SLC7A5: variants seen among roughly 807,000 people sequenced by gnomAD.
SLC7A5 encodes large neutral amino acids transporter small subunit 1.
Under a neutral mutation model 50.2 loss-of-function variants are expected in SLC7A5, and 23 were observed. That is an observed-to-expected ratio of 0.46 (90% confidence interval 0.33 to 0.65). SLC7A5 has a LOEUF of 0.65. Among genes scored for constraint, SLC7A5 ranks in the 30% least tolerant of loss-of-function variants. The probability of loss-of-function intolerance (pLI) is 0.02; values close to 1 mark genes in which losing one functional copy is unlikely to be tolerated. For synonymous variants in SLC7A5, 393 were observed against 330.6 expected (o/e 1.19, Z -2.05); for missense variants, 578 against 684.4 (o/e 0.84, Z 1.73).
At position 87,852,163 on chromosome 16, in the gene SLC7A5, G is replaced by A. The variant is rs545136762; in HGVS notation, c.539-314C>T. On this transcript the variant is annotated intron_variant, in intron 1 of 9. Transcript: ENST00000261622. This position sits in a 1 kb window ranked among gnomAD's most constrained non-coding sequence, Gnocchi z 4.5. ...ACCTGTAGTCAGGACTTCAAGTGGG[G>A]TCACTGCCTCCAGAGACCCAGGTGA... 2.0e-5 allele frequency among the ~76,000 whole-genome samples: 3 copies of A among 152,258 alleles called. No individual in the cohort carries two copies. In the East Asian group the frequency reaches 5.8e-4, roughly 29 times the overall value.
At position 87,834,519 on chromosome 16, in the gene SLC7A5, G is replaced by A; in HGVS notation, c.1363C>T (p.Pro455Ser). The A allele has an allele frequency of 6.3e-7, 1 of 1,596,568 alleles. No individual in the cohort carries two copies. The highest frequency in any genetic ancestry group is 8.5e-7 in the Non-Finnish European group (1 of 1,172,990). The part of the protein sequence containing the change: ...FLIAVSFWKT[P>S]VECGIGFTII... ...GTGAAGCCGATGCCACACTCCACGG[G>A]TGTCTTCCAGAAGGAGACGGCGATC... The change falls in exon 9 of 10, where the codon CCC (proline) becomes TCC (serine). Residue 455 changes from proline (P) to serine (S), a missense_variant. By Grantham distance (74) the Pro-to-Ser change is moderately conservative. Around this residue, in one of 2 missense-constraint regions of SLC7A5, gnomAD observed 465 missense variants for 594.6 expected, o/e 0.78. Transcript: ENST00000261622.
rs138909848 is a variant in SLC7A5 at position 87,833,834 on chromosome 16, G to A, written c.1468+580C>T. Among the ~76,000 whole-genome samples, 49 of 150,490 alleles carry A rather than the reference G, an allele frequency of 3.3e-4. No individual in the cohort carries two copies. Among genetic ancestry groups the A allele is most frequent in the African/African-American group, 1.1e-3 (44 of 40,542 alleles). On this transcript the variant is annotated intron_variant, in intron 9 of 9. Transcript: ENST00000261622. This position sits in a 1 kb window ranked among gnomAD's most constrained non-coding sequence, Gnocchi z 6.0. ...TGGGGCTGCCGCTGCACACAGGGCC[G>A]GGGGGCGGGTTTCTCCTTCTGCCTT... is the stretch of plus-strand genomic sequence containing the variant.
chr16:87,858,890 C>T (rs1375064381), intron 1 of SLC7A5, among the ~76,000 whole-genome samples: 3 of 152,242 alleles, frequency 2.0e-5, no homozygotes, highest in African/African-American at 7.2e-5. Context: ...CAGGGCCTCT[C>T]CCCAATCCCG....
Position 87,846,957 on chromosome 16 carries a change from C to CG in SLC7A5, c.664+4766dup, listed in dbSNP as rs746997450. Among the ~76,000 whole-genome samples the CG allele has an allele frequency of 9.9e-5, 15 of 152,248 alleles. No individual in the cohort carries two copies. In the East Asian group the frequency reaches 2.5e-3, roughly 25 times the overall value. ...GACACCGAGGCTCAGACACCCTGGC[C>CG]GGGGGGCGGCAAAACTAGAATCCCA... On this transcript the variant is annotated intron_variant, in intron 2 of 9. Coordinates refer to ENST00000261622, the MANE Select transcript of SLC7A5 (RefSeq NM_003486.7).
chr16:87,867,539 T>C (rs2055478610), intron 1 of SLC7A5, among the ~76,000 whole-genome samples: 1 of 151,974 alleles, frequency 6.6e-6, no homozygotes, highest in Non-Finnish European at 1.5e-5. Context: ...CTCACATTTA[T>C]GAAGAAATGC....
Position 87,837,520 on chromosome 16 carries a change from C to A in SLC7A5, c.1140+325G>T, listed in dbSNP as rs961011509. ...AAGCGGAAGGAAACTGTGTGTGATG[C>A]ACCCCGCTGAGAAACGAACAGAGTG... On this transcript the variant is annotated intron_variant, in intron 7 of 9. Transcript: ENST00000261622. 9 of 378,788 alleles carry A rather than the reference C, an allele frequency of 2.4e-5. No individual in the cohort carries two copies. In the Admixed American group the frequency reaches 3.2e-4, roughly 13 times the overall value. 23.5% of individuals were successfully genotyped at this position (378,788 alleles called of 1,614,324 possible). A position where few individuals can be genotyped will look rare whatever the true frequency, so the allele number is the denominator to read the frequency against.
At chr16:87,844,948 T>C (rs1466005784) in intron 2 of SLC7A5, among the ~76,000 whole-genome samples, 1 of 152,274 alleles carries the variant, frequency 6.6e-6, no homozygotes, top group Middle Eastern at 3.4e-3. Flanking sequence ...CATCCCGGAT[T>C]AGAGTAGGCA....
chr16:87,855,561 C>T (rs2055306292), intron 1 of SLC7A5, among the ~76,000 whole-genome samples: 1 of 152,034 alleles, frequency 6.6e-6, no homozygotes, highest in African/African-American at 2.4e-5. Context: ...CTCTGAGGTG[C>T]CTCCCTGCCT....
intron 2 of SLC7A5, among the ~76,000 whole-genome samples, chr16:87,845,362 G>A (rs889307622): frequency 3.9e-5 from 6 of 152,252 alleles, no homozygotes; most frequent in East Asian, 3.9e-4. Flanking sequence ...CAGGGAAGTC[G>A]TGCAGTGACC....
chr16:87,865,068 A>G (rs1456044196), intron 1 of SLC7A5, among the ~76,000 whole-genome samples: 4 of 151,380 alleles, frequency 2.6e-5, no homozygotes, highest in Non-Finnish European at 5.9e-5. Flanking sequence ...ACCCCAACAC[A>G]CCTCCCTCTC....
In SLC7A5 at chr16:87,833,340, C is replaced by T. The variant is rs749036487; in HGVS notation, c.1469-315G>A. ...GCCCTGGTGTCTCAGCAAAGTGCAACGGGGGGATGACAGGCCTTCCTGCAG... is the reference window on the plus strand; with the variant it reads ...GCCCTGGTGTCTCAGCAAAGTGCAATGGGGGGATGACAGGCCTTCCTGCAG... On this transcript the variant is annotated intron_variant, in intron 9 of 9. Coordinates refer to ENST00000261622, the MANE Select transcript of SLC7A5 (RefSeq NM_003486.7). This position sits in a 1 kb window ranked among gnomAD's most constrained non-coding sequence, Gnocchi z 6.0. Among the ~76,000 whole-genome samples, 3 of 152,216 alleles carry T rather than the reference C, an allele frequency of 2.0e-5. No individual in the cohort carries two copies. The highest frequency in any genetic ancestry group is 2.9e-5 in the Non-Finnish European group (2 of 68,044).
At chr16:87,842,108 G>T (rs2055089573) in intron 2 of SLC7A5, among the ~76,000 whole-genome samples, 1 of 152,132 alleles carries the variant, frequency 6.6e-6, no homozygotes. Flanking sequence ...TTGGAAAGAA[G>T]ACCAAAGACA....
chr16:87,861,394 C>A lies in SLC7A5; in HGVS notation c.538+7491G>T, dbSNP rs1360284079. Among the ~76,000 whole-genome samples the A allele has an allele frequency of 6.6e-6, 1 of 152,192 alleles. No homozygotes were observed. The highest frequency in any genetic ancestry group is 1.9e-4 in the East Asian group (1 of 5,184). On this transcript the variant is annotated intron_variant, in intron 1 of 9. Coordinates refer to ENST00000261622, the MANE Select transcript of SLC7A5 (RefSeq NM_003486.7). The surrounding 1 kb of genome is among the most constrained non-coding windows in gnomAD (Gnocchi z 4.2). ...GACACCTCCCCAGACCCCTGGCACC[C>A]ACCAGACTCCCCAGGCGTGGCTTTG...
At position 87,834,568 on chromosome 16, in the gene SLC7A5, G is replaced by C. The variant is rs2054973323; in HGVS notation, c.1314C>G (p.Phe438Leu). Residue 438 changes from phenylalanine to leucine, a missense_variant, in exon 9 of 10, where the codon TTC becomes TTG. This residue lies in a region of SLC7A5 where 465 missense variants were observed against 594.6 expected (regional missense o/e 0.78). Coordinates refer to ENST00000261622, the MANE Select transcript of SLC7A5 (RefSeq NM_003486.7). ...PIKVNLALPV[F>L]FILACLFLIA... ...TCAGGAAGAGGCAGGCCAGGATGAA[G>C]AACACAGGCAGGGCCAGGTTCACCT... is the stretch of plus-strand genomic sequence containing the variant. 1 of 1,595,998 alleles carries C rather than the reference G, an allele frequency of 6.3e-7. No individual in the cohort carries two copies. The highest frequency in any genetic ancestry group is 2.3e-5 in the East Asian group (1 of 44,208).
At chr16:87,850,839 A>G (rs559511389) in intron 2 of SLC7A5, among the ~76,000 whole-genome samples, 100 of 152,338 alleles carry the variant, frequency 6.6e-4, no homozygotes, top group African/African-American at 2.2e-3. Context: ...CAGTGTGGAA[A>G]GGGTGGAGGC....
intron 2 of SLC7A5, among the ~76,000 whole-genome samples, chr16:87,843,603 G>A (rs1047052195): frequency 6.6e-6 from 1 of 151,984 alleles, no homozygotes; most frequent in Non-Finnish European, 1.5e-5. Context: ...AGAGGTGGGA[G>A]TTAGACAGCG....
chr16:87,846,388 T>C (rs1250272328), intron 2 of SLC7A5, among the ~76,000 whole-genome samples: 2 of 152,234 alleles, frequency 1.3e-5, no homozygotes, highest in African/African-American at 2.4e-5. Context: ...GGGATTCACT[T>C]TGAGGCCCTG....
chr16:87,832,557 G>A lies in SLC7A5; in HGVS notation c.*413C>T, dbSNP rs1597489873. 6.4e-6 allele frequency: 1 copy of A among 155,506 alleles called. No homozygotes were observed. The allele number at this position is 155,506 out of a possible 1,614,324, so 9.6% of individuals were successfully genotyped here. A position where few individuals can be genotyped will look rare whatever the true frequency, so the allele number is the denominator to read the frequency against. On this transcript the variant is annotated 3_prime_UTR_variant, in exon 10 of 10. Transcript: ENST00000261622. This position sits in a 1 kb window ranked among gnomAD's most constrained non-coding sequence, Gnocchi z 4.6. ...GGTAGCAATGAGGTTCCAAGTCTCA[G>A]TAGCTCTGTTTGCCCAGGGTCTGGG...
Position 87,869,339 on chromosome 16 carries a change from G to A in SLC7A5, c.84C>T (p.Ala28=). ...GCGCCGAGCCGTCCGCGCTCTTGGC[G>A]GCCAGCATCTTCTCCCGCGCCTCTT... The part of the protein sequence containing the change: ...EKEEAREKML[A]AKSADGSAPA... Residue 28 remains alanine (A), a synonymous_variant, in exon 1 of 10, where the codon GCC becomes GCT. Coordinates refer to ENST00000261622, the MANE Select transcript of SLC7A5 (RefSeq NM_003486.7). The A allele has an allele frequency of 6.2e-7, 1 of 1,609,656 alleles. No homozygotes were observed.
Sources: allele counts gnomAD v4.1 joint callset (sites outside exome capture counted in the v4.1 genomes callset), GRCh38; gene constraint gnomAD v4.1.1; regional missense constraint gnomAD v4.1.1; non-coding constraint Gnocchi (gnomAD v3.1); transcripts MANE v1.5; gene names NCBI Gene and HGNC (gene_info 2026-07-23, HGNC 2026-07-21).